The following FAM131B variants were observed in gnomAD, a reference collection of about 807,000 sequenced individuals.
FAM131B encodes protein FAM131B.
A neutral mutation model predicts 42.0 loss-of-function variants in FAM131B; 19 were observed. That is an observed-to-expected ratio of 0.45 (90% confidence interval 0.32 to 0.66). The LOEUF is 0.66. Ranked by LOEUF, FAM131B falls within the 30% of genes least tolerant of loss-of-function variation. FAM131B has a pLI of 0.05. For missense variants in FAM131B, 370 were observed against 468.4 expected (o/e 0.79, Z 1.94); for synonymous variants, 183 against 177.6 (o/e 1.03, Z -0.24).
At chr7:143,381,580 C>G in the FAM131B span, 1 of 1,610,210 alleles carries the variant, frequency 6.2e-7, no homozygotes, top group Middle Eastern at 1.7e-4. Flanking sequence ...CCATGGCGGC[C>G]CCCCGCCCGT....
At position 143,354,111 on chromosome 7, in the gene FAM131B, A is replaced by G. The variant is rs1803551700; in HGVS notation, c.*2439T>C. On this transcript the variant is annotated 3_prime_UTR_variant, in exon 7 of 7. Transcript: ENST00000443739. ...ACCAGAAGAGTCCTAAGATGGTCCC[A>G]GGCCAGCTCCTCAGTCTCCCTCTTC... The G allele has an allele frequency of 6.9e-6, 1 of 144,522 alleles. No individual in the cohort carries two copies. The highest frequency in any genetic ancestry group is 1.5e-5 in the Non-Finnish European group (1 of 66,926). 9.0% of individuals were successfully genotyped at this position (144,522 alleles called of 1,614,324 possible). A position where few individuals can be genotyped will look rare whatever the true frequency, so the allele number is the denominator to read the frequency against.
chr7:143,377,441 G>C, the FAM131B span, among the ~76,000 whole-genome samples: 2 of 152,190 alleles, frequency 1.3e-5, no homozygotes, highest in African/African-American at 4.8e-5. Context: ...TAAAGTAGGG[G>C]TGTTGGGGTG....
At chr7:143,378,533 C>T in the FAM131B span, among the ~76,000 whole-genome samples, 3 of 151,056 alleles carry the variant, frequency 2.0e-5, no homozygotes, top group East Asian at 5.8e-4. Flanking sequence ...AAGAAAAATG[C>T]CCAGCAATCG....
upstream of FAM131B, among the ~76,000 whole-genome samples, chr7:143,362,931 GC>G: frequency 6.6e-6 from 1 of 151,450 alleles, no homozygotes; most frequent in East Asian, 2.0e-4. The surrounding 1 kb of genome is among the most constrained non-coding windows in gnomAD (Gnocchi z 7.7). Context: ...CGCCGTCGCC[GC>G]CCCCCTCCTC....
At chr7:143,374,912 A>C in the FAM131B span, among the ~76,000 whole-genome samples, 2 of 152,020 alleles carry the variant, frequency 1.3e-5, no homozygotes, top group Non-Finnish European at 2.9e-5. Flanking sequence ...GATGCATCCT[A>C]TTCCTTTCTC....
chr7:143,376,288 T>C, the FAM131B span, among the ~76,000 whole-genome samples: 7 of 152,224 alleles, frequency 4.6e-5, no homozygotes, highest in African/African-American at 1.7e-4. Flanking sequence ...TAACACTTAT[T>C]ATACTAAAAC....
chr7:143,365,421 C>T (rs1008063116), upstream of FAM131B, among the ~76,000 whole-genome samples: 3 of 152,168 alleles, frequency 2.0e-5, no homozygotes, highest in African/African-American at 7.2e-5. Flanking sequence ...CTTTAAAGTG[C>T]AAATATCAAT....
At chr7:143,360,211 TG>T in intron 1 of FAM131B, 62 bp from the exon 2 acceptor site, 1 of 1,551,600 alleles carries the variant, frequency 6.4e-7, no homozygotes, top group South Asian at 1.2e-5. Context: ...GGCGACACCC[TG>T]GGGCCAGCCC....
the FAM131B span, chr7:143,381,159 C>G: frequency 1.0e-6 from 1 of 982,532 alleles, no homozygotes; most frequent in African/African-American, 1.7e-5. Context: ...CGGCCTGAGG[C>G]AGGATCAGGG....
intron 1 of FAM131B, chr7:143,360,818 G>A (rs1002549953): frequency 6.6e-6 from 1 of 152,656 alleles, no homozygotes; most frequent in African/African-American, 2.4e-5. Flanking sequence ...AGGAATTCAA[G>A]TCAGAGAGAA....
the FAM131B span, chr7:143,381,971 C>G: frequency 3.1e-6 from 2 of 649,902 alleles, no homozygotes; most frequent in Admixed American, 3.2e-5. Flanking sequence ...CGTTCCAAGT[C>G]CCCCGCCTGG....
chr7:143,381,589 G>T, the FAM131B span: 1 of 1,610,750 alleles, frequency 6.2e-7, no homozygotes, highest in Non-Finnish European at 8.5e-7. Flanking sequence ...CCCCCCGCCC[G>T]TCTCCCGCGA....
At position 143,358,725 on chromosome 7, in the gene FAM131B, C is replaced by A; in HGVS notation, c.466+102G>T. On this transcript the variant is annotated intron_variant, in intron 5 of 6. Coordinates refer to ENST00000443739, the MANE Select transcript of FAM131B (RefSeq NM_001031690.3). The surrounding 1 kb of genome is among the most constrained non-coding windows in gnomAD (Gnocchi z 4.7). ...TGTTTGGGAAATGTGAATCTACGGT[C>A]AAAGTATGGATGGAGCTAATCCTGC... 1.2e-6 allele frequency: 1 copy of A among 857,018 alleles called. No homozygotes were observed. Among genetic ancestry groups the A allele is most frequent in the Non-Finnish European group, 1.9e-6 (1 of 531,880 alleles). 53.1% of individuals were successfully genotyped at this position (857,018 alleles called of 1,614,324 possible). A position where few individuals can be genotyped will look rare whatever the true frequency, so the allele number is the denominator to read the frequency against.
At chr7:143,360,344 G>A in intron 1 of FAM131B, 195 bp from the exon 2 acceptor site, 1 of 1,420,080 alleles carries the variant, frequency 7.0e-7, no homozygotes, top group Non-Finnish European at 9.2e-7. Context: ...ACCCAGAATA[G>A]TGCACTCAGA....
chr7:143,368,834 G>A, the FAM131B span, among the ~76,000 whole-genome samples: 1 of 152,162 alleles, frequency 6.6e-6, no homozygotes, highest in Non-Finnish European at 1.5e-5. Flanking sequence ...TTGTTTGGAC[G>A]GAGATCTGTT....
At chr7:143,381,337 A>G in the FAM131B span, 2 of 1,137,266 alleles carry the variant, frequency 1.8e-6, no homozygotes, top group African/African-American at 1.7e-5. Flanking sequence ...GCTGCTCCGG[A>G]CCGGGACGCA....
In FAM131B at chr7:143,359,113, G is replaced by A. The variant is rs2116456639; in HGVS notation, c.269-89C>T. ...CCAGTTCCTCCCACCCCAGCCCCAT[G>A]AGGCTCCATCCCACTGGGCCAGGCT... On this transcript the variant is annotated intron_variant, in intron 4 of 6. Transcript: ENST00000443739. This position sits in a 1 kb window ranked among gnomAD's most constrained non-coding sequence, Gnocchi z 5.4. 2 of 1,365,020 alleles carry A rather than the reference G, an allele frequency of 1.5e-6. No homozygotes were observed. Among genetic ancestry groups the A allele is most frequent in the East Asian group, 2.5e-5 (1 of 40,414 alleles). 84.6% of individuals were successfully genotyped at this position (1,365,020 alleles called of 1,614,324 possible).
In FAM131B at chr7:143,355,590, G is replaced by A. The variant is rs2116428319; in HGVS notation, c.*960C>T. The stretch of plus-strand genomic sequence containing the variant: ...AAAGAGAAAAGTGTAAACAGCTTCA[G>A]AGGACAGGGGTGAATAAGGGGAGAC... On this transcript the variant is annotated 3_prime_UTR_variant, in exon 7 of 7. Coordinates refer to ENST00000443739, the MANE Select transcript of FAM131B (RefSeq NM_001031690.3). The surrounding 1 kb of genome is among the most constrained non-coding windows in gnomAD (Gnocchi z 4.1). 6.5e-6 allele frequency: 1 copy of A among 152,874 alleles called. No individual in the cohort carries two copies. Among genetic ancestry groups the A allele is most frequent in the East Asian group, 1.9e-4 (1 of 5,178 alleles). 9.5% of individuals were successfully genotyped at this position (152,874 alleles called of 1,614,324 possible).
chr7:143,377,673 A>G, the FAM131B span, among the ~76,000 whole-genome samples: 107,377 of 151,976 alleles, frequency 0.71, 40,793 homozygotes, highest in Non-Finnish European at 0.85. Context: ...GTTTATAGTG[A>G]TGATTAGAAG....
Sources: allele counts gnomAD v4.1 joint callset (sites outside exome capture counted in the v4.1 genomes callset), GRCh38; gene constraint gnomAD v4.1.1; non-coding constraint Gnocchi (gnomAD v3.1); transcripts MANE v1.5; gene names NCBI Gene and HGNC (gene_info 2026-07-23, HGNC 2026-07-21).